RNF17: variants seen among roughly 807,000 people sequenced by gnomAD.
RNF17 encodes the protein ring finger protein 17.
Under a neutral mutation model 200.5 loss-of-function variants are expected in RNF17, and 31 were observed. The observed-to-expected ratio is 0.15, with a 90% CI of 0.12 to 0.21. The LOEUF (loss-of-function observed/expected upper bound fraction) is 0.21. Among genes scored for constraint, RNF17 ranks in the 10% least tolerant of loss-of-function variants. RNF17 has a pLI of 1.00. For missense variants in RNF17, 1,628 were observed against 1,905.1 expected, an observed-to-expected ratio of 0.85 and a Z score of 2.71; for synonymous variants, 606 against 637.8, an observed-to-expected ratio of 0.95 and a Z score of 0.75.
Position 24,851,584 on chromosome 13 carries a change from T to C in RNF17, c.3320+13T>C. The C allele has an allele frequency of 6.4e-7, 1 of 1,563,040 alleles. No individual in the cohort carries two copies. The highest frequency in any genetic ancestry group is 1.2e-5 in the South Asian group (1 of 85,988). Reference sequence around the variant, plus strand: ...TGAGAGAAAGGAGGTATAGACTTTTTTAAAAAATTTTGACATCAGTTTGTG... The same window carrying C: ...TGAGAGAAAGGAGGTATAGACTTTTCTAAAAAATTTTGACATCAGTTTGTG... On this transcript the variant is annotated intron_variant, in intron 24 of 35. Coordinates refer to ENST00000255324, the MANE Select transcript of RNF17 (RefSeq NM_031277.3).
Position 24,865,010 on chromosome 13 carries a change from A to G in RNF17, c.4101+12A>G, listed in dbSNP as rs1426534847. Reference sequence around the variant, plus strand: ...AGATGTTGAAAGAAGTAAGTGCACTATTTTTCTATAAAAATCTAAAGTGTA... The same window carrying G: ...AGATGTTGAAAGAAGTAAGTGCACTGTTTTTCTATAAAAATCTAAAGTGTA... On this transcript the variant is annotated intron_variant, in intron 29 of 35. Coordinates refer to ENST00000255324, the MANE Select transcript of RNF17 (RefSeq NM_031277.3). 2.6e-6 allele frequency: 4 copies of G among 1,533,780 alleles called. No individual in the cohort carries two copies. Among genetic ancestry groups the G allele is most frequent in the Middle Eastern group, 1.7e-4 (1 of 5,844 alleles).
At position 24,781,881 on chromosome 13, in the gene RNF17, G is replaced by A. The variant is rs1882423221; in HGVS notation, c.548G>A (p.Arg183Lys). 4.3e-6 allele frequency: 7 copies of A among 1,612,604 alleles called. No individual in the cohort carries two copies. The highest frequency in any genetic ancestry group is 5.9e-6 in the Non-Finnish European group (7 of 1,179,672). ...EHMQKQTIEERERVIEVVEKQ... is the reference protein window; with the variant it reads ...EHMQKQTIEEKERVIEVVEKQ... Reference sequence around the variant, plus strand: ...ATGCAGAAGCAAACGATAGAGGAAAGAGAAAGAGTTATAGAAGTTGTGGAG... The same window carrying A: ...ATGCAGAAGCAAACGATAGAGGAAAAAGAAAGAGTTATAGAAGTTGTGGAG... Residue 183 changes from arginine to lysine, a missense_variant, in exon 6 of 36, where the codon AGA becomes AAA. Physicochemically the swap from Arg to Lys is conservative, Grantham distance 26 (BLOSUM62 2). Coordinates refer to ENST00000255324, the MANE Select transcript of RNF17 (RefSeq NM_031277.3).
At chr13:24,881,490 C>G (rs528404926), downstream of RNF17, among the ~76,000 whole-genome samples, 1 of 151,832 alleles carries the variant, frequency 6.6e-6, no homozygotes, top group Non-Finnish European at 1.5e-5. Context: ...TTTAAAAATC[C>G]TTACCTCTCC....
At chr13:24,769,245 C>A (rs1055432417) in intron 2 of RNF17, among the ~76,000 whole-genome samples, 2 of 150,690 alleles carry the variant, frequency 1.3e-5, no homozygotes, top group African/African-American at 4.9e-5. Context: ...AATCATTATA[C>A]TTGTACTATT....
intron 18 of RNF17, among the ~76,000 whole-genome samples, chr13:24,838,652 G>T (rs1392745327): frequency 6.6e-6 from 1 of 152,044 alleles, no homozygotes; most frequent in Non-Finnish European, 1.5e-5. Flanking sequence ...CAGGAATTTG[G>T]CATACAAGGG....
At chr13:24,884,329 TTGGTC>T (rs1317804065), downstream of RNF17, 1 of 1,614,030 alleles carries the variant, frequency 6.2e-7, no homozygotes, top group African/African-American at 1.3e-5. Context: ...ATACCACTCT[TTGGTC>T]TGGCATGACC....
chr13:24,847,106 A>G (rs1891338029), intron 22 of RNF17, among the ~76,000 whole-genome samples: 1 of 152,124 alleles, frequency 6.6e-6, no homozygotes, highest in Non-Finnish European at 1.5e-5. Flanking sequence ...AGAGAACTCC[A>G]GATACACTAT....
intron 29 of RNF17, among the ~76,000 whole-genome samples, chr13:24,865,650 C>T (rs899310418): frequency 4.5e-4 from 68 of 152,154 alleles, no homozygotes; most frequent in African/African-American, 1.6e-3. Context: ...TGGTAGTACA[C>T]AACCAAACAT....
chr13:24,782,772 T>G (rs966611771), intron 6 of RNF17, among the ~76,000 whole-genome samples: 1 of 152,218 alleles, frequency 6.6e-6, no homozygotes, highest in Non-Finnish European at 1.5e-5. Flanking sequence ...ATTGTTGCTA[T>G]TGGGTTATAG....
At chr13:24,855,396 G>A (rs923001915) in intron 25 of RNF17, among the ~76,000 whole-genome samples, 2 of 152,010 alleles carry the variant, frequency 1.3e-5, no homozygotes, top group African/African-American at 4.8e-5. Flanking sequence ...TTGGGAGACC[G>A]AGGTGGGTGG....
intron 2 of RNF17, among the ~76,000 whole-genome samples, chr13:24,768,093 A>T (rs12428488): frequency 0.12 from 17,965 of 152,126 alleles, 1,198 homozygotes; most frequent in East Asian, 0.15. Context: ...TTCTACAACA[A>T]GGTAGAGAAG....
intron 33 of RNF17, among the ~76,000 whole-genome samples, chr13:24,875,857 T>C (rs989537779): frequency 6.6e-6 from 1 of 152,208 alleles, no homozygotes; most frequent in African/African-American, 2.4e-5. Flanking sequence ...CATCTTCTTC[T>C]TTTGAGTGTT....
At chr13:24,805,650 G>T (rs565373374) in intron 15 of RNF17, among the ~76,000 whole-genome samples, 4 of 152,178 alleles carry the variant, frequency 2.6e-5, no homozygotes, top group Non-Finnish European at 4.4e-5. Context: ...GAATAATGCT[G>T]CTATGGACAC....
chr13:24,871,622 A>G (rs1238194121), intron 32 of RNF17, among the ~76,000 whole-genome samples: 4 of 137,382 alleles, frequency 2.9e-5, no homozygotes, highest in Non-Finnish European at 6.2e-5. Flanking sequence ...GCATGAGCCA[A>G]CTTGCCCAGC....
intron 15 of RNF17, among the ~76,000 whole-genome samples, chr13:24,807,243 G>A (rs1886003325): frequency 6.6e-6 from 1 of 151,958 alleles, no homozygotes; most frequent in Admixed American, 6.6e-5. Flanking sequence ...CATAATGGTT[G>A]AACTAGTTTA....
At chr13:24,783,450 G>A (rs771079849) in intron 6 of RNF17, among the ~76,000 whole-genome samples, 3 of 152,100 alleles carry the variant, frequency 2.0e-5, no homozygotes, top group Non-Finnish European at 4.4e-5. Flanking sequence ...GTTAGGGATT[G>A]CATTGAATTG....
In RNF17 at chr13:24,786,849, T is replaced by G. The variant is rs546330659; in HGVS notation, c.612-1139T>G. The stretch of plus-strand genomic sequence containing the variant: ...TTCCTTGAGCTCTTAGATTTATAGA[T>G]TCATGTCTCATCAAATTTTGGAAGG... On this transcript the variant is annotated intron_variant, in intron 6 of 35. Coordinates refer to ENST00000255324, the MANE Select transcript of RNF17 (RefSeq NM_031277.3). 2.2e-4 allele frequency among the ~76,000 whole-genome samples: 34 copies of G among 152,280 alleles called. No homozygotes were observed. In the Middle Eastern group the frequency reaches 0.01, roughly 46 times the overall value.
At chr13:24,773,808 G>T (rs1413589751) in intron 2 of RNF17, among the ~76,000 whole-genome samples, 1 of 152,062 alleles carries the variant, frequency 6.6e-6, no homozygotes, top group Admixed American at 6.5e-5. Flanking sequence ...TTTCTTTTTT[G>T]TATTGTATTG....
chr13:24,824,368 T>G (rs1313575227), intron 15 of RNF17: 1 of 473,084 alleles, frequency 2.1e-6, no homozygotes, highest in African/African-American at 2.0e-5. Flanking sequence ...AATATCTACT[T>G]AGAAAGGTAA....
Sources: allele counts gnomAD v4.1 joint callset (sites outside exome capture counted in the v4.1 genomes callset), GRCh38; gene constraint gnomAD v4.1.1; transcripts MANE v1.5; gene names NCBI Gene and HGNC (gene_info 2026-07-23, HGNC 2026-07-21).